Variants in GABRB3 observed in about 807,000 individuals in gnomAD.
The protein encoded by GABRB3 is gamma-aminobutyric acid type A receptor subunit beta3, also known as gamma-aminobutyric acid receptor subunit beta-3.
A neutral mutation model predicts 52.1 loss-of-function variants in GABRB3; 14 were observed. The ratio of observed to expected loss-of-function variants is 0.27; its 90% confidence interval spans 0.18 to 0.42. GABRB3 has a LOEUF of 0.42. Among genes scored for constraint, GABRB3 ranks in the 10% least tolerant of loss-of-function variants. GABRB3 has a pLI of 1.00. For synonymous variants in GABRB3, 260 were observed against 232.3 expected (o/e 1.12, Z -1.08); for missense variants, 307 against 609.1 (o/e 0.50, Z 5.22).
chr15:26,643,566 T>C (rs1307544847), intron 3 of GABRB3, among the ~76,000 whole-genome samples: 1 of 131,628 alleles, frequency 7.6e-6, no homozygotes, highest in Non-Finnish European at 1.6e-5. Context: ...ATCATCAGCA[T>C]TCTCTTTGAA....
chr15:26,606,776 A>ATATCTAT (rs374800068), intron 4 of GABRB3, among the ~76,000 whole-genome samples: 2 of 118,304 alleles, frequency 1.7e-5, no homozygotes, highest in Non-Finnish European at 3.6e-5. Flanking sequence ...ATCTATAGAT[A>ATATCTAT]GATAGATATA....
chr15:26,659,933 A>T (rs1887487014), intron 3 of GABRB3, among the ~76,000 whole-genome samples: 1 of 152,072 alleles, frequency 6.6e-6, no homozygotes, highest in South Asian at 2.1e-4. Context: ...AGGCCTGACC[A>T]TCAGAAGGGA....
chr15:26,703,318 C>A (rs983876032), intron 3 of GABRB3, among the ~76,000 whole-genome samples: 1 of 152,140 alleles, frequency 6.6e-6, no homozygotes, highest in Admixed American at 6.5e-5. Context: ...GAAAACCAAT[C>A]CCTCAGTCAA....
intron 7 of GABRB3, among the ~76,000 whole-genome samples, chr15:26,562,230 G>A (rs1165954676): frequency 6.6e-6 from 1 of 152,198 alleles, no homozygotes; most frequent in Non-Finnish European, 1.5e-5. Context: ...TAGTACTGCA[G>A]CTGACGCGCT....
At chr15:26,667,223 C>A (rs1247004483) in intron 3 of GABRB3, among the ~76,000 whole-genome samples, 1 of 152,208 alleles carries the variant, frequency 6.6e-6, no homozygotes, top group Non-Finnish European at 1.5e-5. Context: ...ACGATTCCAG[C>A]CAAAGTCTCC....
At chr15:26,650,586 A>G (rs1887165392) in intron 3 of GABRB3, among the ~76,000 whole-genome samples, 1 of 152,064 alleles carries the variant, frequency 6.6e-6, no homozygotes, top group African/African-American at 2.4e-5. Flanking sequence ...GACAATTTAA[A>G]GCCTGGAAGC....
intron 3 of GABRB3, among the ~76,000 whole-genome samples, chr15:26,742,267 G>A (rs915143060): frequency 6.6e-6 from 1 of 151,894 alleles, no homozygotes; most frequent in East Asian, 1.9e-4. Context: ...TGAAGCCCGG[G>A]AGTCCTTTTA....
intron 3 of GABRB3, among the ~76,000 whole-genome samples, chr15:26,771,566 G>T (rs115130064): frequency 9.4e-4 from 143 of 152,310 alleles, no homozygotes; most frequent in African/African-American, 3.2e-3. Flanking sequence ...ATCCCACGGC[G>T]TTTCAGCTCA....
chr15:26,721,261 C>T (rs927209083), intron 3 of GABRB3, among the ~76,000 whole-genome samples: 1 of 152,070 alleles, frequency 6.6e-6, no homozygotes, highest in African/African-American at 2.4e-5. Context: ...AAACTGCAGG[C>T]AGGAGAAGCT....
chr15:26,728,667 T>C (rs936982935), intron 3 of GABRB3, among the ~76,000 whole-genome samples: 1 of 152,244 alleles, frequency 6.6e-6, no homozygotes, highest in Non-Finnish European at 1.5e-5. Context: ...TGGTATTCTA[T>C]GCAGTCATCA....
intron 8 of GABRB3, among the ~76,000 whole-genome samples, chr15:26,553,879 A>G (rs1203520762): frequency 6.6e-6 from 1 of 150,714 alleles, no homozygotes; most frequent in East Asian, 2.0e-4. Context: ...CACATTGATA[A>G]TTATTACTTT....
intron 3 of GABRB3, chr15:26,658,619 T>G (rs901002666): frequency 1.3e-5 from 2 of 152,254 alleles, no homozygotes; most frequent in African/African-American, 4.8e-5. Context: ...GGTCAGGCCT[T>G]CTGTTAGCTG....
chr15:26,653,588 G>C (rs1824036816), intron 3 of GABRB3, among the ~76,000 whole-genome samples: 1 of 152,158 alleles, frequency 6.6e-6, no homozygotes, highest in South Asian at 2.1e-4. Flanking sequence ...TGAAACTCCA[G>C]TCTCCCTTTT....
chr15:26,551,739 T>G (rs954886379), intron 8 of GABRB3, among the ~76,000 whole-genome samples: 1 of 152,028 alleles, frequency 6.6e-6, no homozygotes, highest in Non-Finnish European at 1.5e-5. Flanking sequence ...CAGGCAGCAT[T>G]GGTTTAGAAG....
rs57833685 is a variant in GABRB3, at chr15:26,649,658, C to CTGTGTGTGTGTGTGTGTGTGTGTGTG, written c.241-28150_241-28125dup. On this transcript the variant is annotated intron_variant, in intron 3 of 8. Transcript: ENST00000311550. ...AGAAGAAAGCAGGACAGAGCCAAGG[C>CTGTGTGTGTGTGTGTGTGTGTGTGTG]TGTGTGTGTGTGTGTGTGTGTGTGT... 5.5e-4 allele frequency among the ~76,000 whole-genome samples: 72 copies of CTGTGTGTGTGTGTGTGTGTGTGTGTG among 130,178 alleles called. 2 individuals carry two copies. The highest frequency in any genetic ancestry group is 2.1e-3 in the African/African-American group (68 of 33,014). The allele number at this position is 130,178 out of a possible 152,430, so 85.4% of individuals were successfully genotyped here.
chr15:26,693,474 C>T (rs186752560), intron 3 of GABRB3, among the ~76,000 whole-genome samples: 341 of 151,514 alleles, frequency 2.3e-3, no homozygotes, highest in African/African-American at 7.8e-3. Context: ...TCCACCAGAG[C>T]GGTATTTCCA....
intron 3 of GABRB3, among the ~76,000 whole-genome samples, chr15:26,653,918 G>A (rs1242568302): frequency 6.6e-6 from 1 of 152,064 alleles, no homozygotes; most frequent in Non-Finnish European, 1.5e-5. Context: ...GGAAAATTTG[G>A]GAAGCAGCTT....
chr15:26,618,132 CA>C (rs1892332675), intron 4 of GABRB3, among the ~76,000 whole-genome samples: 1 of 152,116 alleles, frequency 6.6e-6, no homozygotes. Context: ...ATCAAGCTAC[CA>C]ATGACTTTCT....
chr15:26,706,699 A>T (rs1368047483), intron 3 of GABRB3, among the ~76,000 whole-genome samples: 1 of 152,252 alleles, frequency 6.6e-6, no homozygotes, highest in East Asian at 1.9e-4. Flanking sequence ...GAATGAGTGA[A>T]GCAGAGTCAT....
Sources: allele counts gnomAD v4.1 joint callset (sites outside exome capture counted in the v4.1 genomes callset), GRCh38; gene constraint gnomAD v4.1.1; transcripts MANE v1.5; gene names NCBI Gene and HGNC (gene_info 2026-07-23, HGNC 2026-07-21).